NRG1: variants seen among roughly 807,000 people sequenced by gnomAD.
NRG1 encodes pro-neuregulin-1, membrane-bound isoform.
NRG1 carries 18 observed loss-of-function variants against 63.8 expected under a neutral mutation model. The observed-to-expected ratio is 0.28, with a 90% CI of 0.19 to 0.42. NRG1 has a LOEUF of 0.42. Among genes scored for constraint, NRG1 ranks in the 10% least tolerant of loss-of-function variants. The probability of loss-of-function intolerance (pLI) is 1.00; values close to 1 mark genes in which losing one functional copy is unlikely to be tolerated. For missense variants in NRG1, 762 were observed against 814.7 expected (o/e 0.94, Z 0.79); for synonymous variants, 302 against 301.3 (o/e 1.00, Z -0.02).
chr8:32,720,038 A>C (rs373842809), intron 5 of NRG1, among the ~76,000 whole-genome samples: 5 of 152,140 alleles, frequency 3.3e-5, no homozygotes, highest in Non-Finnish European at 5.9e-5. Context: ...TTTGTTGAAT[A>C]AGATAATGAA....
chr8:31,914,874 A>T (rs1396574997), intron 1 of NRG1, among the ~76,000 whole-genome samples: 1 of 152,030 alleles, frequency 6.6e-6, no homozygotes, highest in Non-Finnish European at 1.5e-5. Context: ...AGAATTTTAG[A>T]TCATGAAACA....
chr8:32,301,951 T>G (rs530539286), intron 1 of NRG1, among the ~76,000 whole-genome samples: 1 of 152,314 alleles, frequency 6.6e-6, no homozygotes, highest in East Asian at 1.9e-4. Flanking sequence ...TGCGGTGTGC[T>G]GAATACAAAG....
intron 1 of NRG1, among the ~76,000 whole-genome samples, chr8:31,926,690 AGT>A (rs1834384677): frequency 6.6e-6 from 1 of 152,140 alleles, no homozygotes; most frequent in African/African-American, 2.4e-5. Context: ...GAGTACTAAT[AGT>A]GTGTCATACC....
chr8:32,500,774 T>C (rs1375395118), intron 1 of NRG1, among the ~76,000 whole-genome samples: 2 of 152,170 alleles, frequency 1.3e-5, no homozygotes, highest in Non-Finnish European at 2.9e-5. Flanking sequence ...TTAGAAAGGG[T>C]TTCCTGACAT....
chr8:32,529,694 A>G (rs1347298653), intron 1 of NRG1, among the ~76,000 whole-genome samples: 1 of 152,008 alleles, frequency 6.6e-6, no homozygotes, highest in Non-Finnish European at 1.5e-5. Context: ...CTAGGCCTAC[A>G]CAGGATCAGG....
chr8:32,605,740 T>C, intron 3 of NRG1, 57 bp downstream of exon 3: 2 of 1,590,680 alleles, frequency 1.3e-6, no homozygotes, highest in Non-Finnish European at 8.6e-7. Flanking sequence ...AATCAAAACA[T>C]GTGGTAAGAC....
Position 32,318,522 on chromosome 8 carries a change from G to A in NRG1, c.38-277306G>A, listed in dbSNP as rs542752137. On this transcript the variant is annotated intron_variant, in intron 1 of 10. Coordinates refer to the NRG1 transcript ENST00000519301. The stretch of plus-strand genomic sequence containing the variant: ...CTGTAACAGGCTGGTCCAAACATCC[G>A]AGCCTCAACTAGAACCAGTGTCCTT... 3.3e-5 allele frequency among the ~76,000 whole-genome samples: 5 copies of A among 152,162 alleles called. No homozygotes were observed. The South Asian group carries it at 6.2e-4, about 19-fold the overall frequency.
chr8:32,763,325 G>T, intron 11 of NRG1: 2 of 1,613,886 alleles, frequency 1.2e-6, no homozygotes, highest in Non-Finnish European at 1.7e-6. Flanking sequence ...CCCCATTTGG[G>T]CTTCATTCTC....
intron 1 of NRG1, among the ~76,000 whole-genome samples, chr8:31,992,299 G>A (rs1283477074): frequency 6.6e-6 from 1 of 152,048 alleles, no homozygotes; most frequent in Non-Finnish European, 1.5e-5. Context: ...CCAAAAAACA[G>A]AGAATTTGTT....
chr8:32,650,217 T>G (rs1351667112), intron 5 of NRG1, among the ~76,000 whole-genome samples: 1 of 148,300 alleles, frequency 6.7e-6, no homozygotes, highest in Non-Finnish European at 1.5e-5. Context: ...TCCTTATCAG[T>G]TTTTTTTTCC....
intron 1 of NRG1, among the ~76,000 whole-genome samples, chr8:32,247,027 T>C (rs1848649401): frequency 6.6e-6 from 1 of 152,058 alleles, no homozygotes; most frequent in African/African-American, 2.4e-5. Flanking sequence ...AATTTAATTA[T>C]TCCACATGGT....
rs77610757 is a variant in NRG1, at chr8:32,463,874, C to T, written c.38-131954C>T. Among the ~76,000 whole-genome samples the T allele has an allele frequency of 3.3e-3, 138 of 42,346 alleles. 1 individual carries two copies. The highest frequency in any genetic ancestry group is 0.011 in the African/African-American group (116 of 10,332). The allele number at this position is 42,346 out of a possible 152,430, so 27.8% of individuals were successfully genotyped here. ...ACACACACGAAAAAAACTTAGAATT[C>T]TTTTTTTTTTTTTTTTTTTTTTTTT... is the stretch of plus-strand genomic sequence containing the variant. On this transcript the variant is annotated intron_variant, in intron 1 of 10. Transcript: ENST00000519301.
intron 1 of NRG1, among the ~76,000 whole-genome samples, chr8:31,749,475 G>T (rs1339512595): frequency 1.3e-5 from 2 of 151,820 alleles, no homozygotes; most frequent in Non-Finnish European, 2.9e-5. Flanking sequence ...AAGAAGTGTA[G>T]AGGGAATATA....
At chr8:32,700,030 A>G (rs570865709) in intron 5 of NRG1, among the ~76,000 whole-genome samples, 2 of 152,212 alleles carry the variant, frequency 1.3e-5, no homozygotes, top group African/African-American at 2.4e-5. Context: ...ATCTAACTCC[A>G]GGATATTTTC....
At chr8:32,163,103 A>G in intron 1 of NRG1, among the ~76,000 whole-genome samples, 1 of 152,254 alleles carries the variant, frequency 6.6e-6, no homozygotes, top group East Asian at 1.9e-4. Flanking sequence ...AATGAATCAT[A>G]TTTATCCAAT....
chr8:31,845,510 T>C (rs192493042), intron 1 of NRG1, among the ~76,000 whole-genome samples: 1 of 152,300 alleles, frequency 6.6e-6, no homozygotes, highest in Non-Finnish European at 1.5e-5. Flanking sequence ...TTTTTGCAAG[T>C]GGTTGTAGCC....
chr8:32,320,898 G>A (rs544569683), intron 1 of NRG1, among the ~76,000 whole-genome samples: 1 of 152,126 alleles, frequency 6.6e-6, no homozygotes, highest in African/African-American at 2.4e-5. Context: ...TTGGTGTAAA[G>A]GTAGGTCAGA....
intron 1 of NRG1, among the ~76,000 whole-genome samples, chr8:31,995,374 T>G (rs1287416557): frequency 6.6e-6 from 1 of 152,024 alleles, no homozygotes; most frequent in African/African-American, 2.4e-5. Flanking sequence ...TTTGTTTTAC[T>G]CCAAAGGACT....
chr8:31,946,596 G>A (rs574230951), intron 1 of NRG1, among the ~76,000 whole-genome samples: 1 of 83,392 alleles, frequency 1.2e-5, no homozygotes, highest in East Asian at 2.1e-4. Context: ...ACTGTGATAA[G>A]ATGTGATGTA....
Sources: gnomAD v4.1 joint callset for allele counts (sites outside exome capture counted in the v4.1 genomes callset) on GRCh38, gnomAD v4.1.1 for gene constraint, MANE v1.5 for transcripts, NCBI Gene and HGNC (gene_info 2026-07-23, HGNC 2026-07-21) for gene names.